EPB41L3: variants seen among roughly 807,000 people sequenced by gnomAD.
The protein encoded by EPB41L3 is band 4.1-like protein 3.
Under a neutral mutation model 127.1 loss-of-function variants are expected in EPB41L3, and 57 were observed. The observed-to-expected ratio is 0.45, with a 90% CI of 0.36 to 0.56. EPB41L3 has a LOEUF of 0.56. Ranked by LOEUF, EPB41L3 falls within the 20% of genes least tolerant of loss-of-function variation. The probability of loss-of-function intolerance (pLI) is 0.00; values close to 1 mark genes in which losing one functional copy is unlikely to be tolerated. For missense variants in EPB41L3, 1,273 were observed against 1,372.2 expected (o/e 0.93, Z 1.14); for synonymous variants, 572 against 549.5 (o/e 1.04, Z -0.57).
intron 3 of EPB41L3, among the ~76,000 whole-genome samples, chr18:5,599,094 T>C (rs1371944717): frequency 6.6e-6 from 1 of 152,238 alleles, no homozygotes; most frequent in East Asian, 1.9e-4. Flanking sequence ...AACAGAGATC[T>C]GAGTTCAAAT....
At chr18:5,617,350 A>G (rs1281473758) in intron 1 of EPB41L3, among the ~76,000 whole-genome samples, 4 of 146,090 alleles carry the variant, frequency 2.7e-5, no homozygotes, top group Admixed American at 7.0e-5. Flanking sequence ...ACGGAGTCTC[A>G]CTCTGTCGCC....
intron 6 of EPB41L3, 81 bp from the exon 7 acceptor site, chr18:5,434,202 C>A: frequency 9.3e-7 from 1 of 1,074,272 alleles, no homozygotes; most frequent in Non-Finnish European, 1.4e-6. Context: ...AAATCGTGGG[C>A]AAATAATTTC....
intron 13 of EPB41L3, among the ~76,000 whole-genome samples, chr18:5,411,106 C>A (rs138646411): frequency 3.2e-4 from 49 of 152,254 alleles, no homozygotes; most frequent in African/African-American, 1.2e-3. Flanking sequence ...CTCATTTATA[C>A]CATTATGATA....
intron 22 of EPB41L3, chr18:5,394,366 A>G (rs757983922): frequency 4.4e-5 from 9 of 203,256 alleles, no homozygotes; most frequent in East Asian, 1.1e-4. Context: ...ATTTGCCATT[A>G]CAAATTTGGA....
At chr18:5,601,212 A>G (rs1489469239) in intron 3 of EPB41L3, among the ~76,000 whole-genome samples, 2 of 152,214 alleles carry the variant, frequency 1.3e-5, no homozygotes, top group Non-Finnish European at 2.9e-5. Context: ...GCAGTTAAAA[A>G]TAGGCTCTAA....
rs1388302882 is a variant in EPB41L3, at chr18:5,418,479, G to A, written c.1506+1232C>T. Among the ~76,000 whole-genome samples, 3 of 152,100 alleles carry A rather than the reference G, an allele frequency of 2.0e-5. No homozygotes were observed. The East Asian group carries it at 5.8e-4, about 29-fold the overall frequency. On this transcript the variant is annotated intron_variant, in intron 12 of 22. Coordinates refer to ENST00000341928, the MANE Select transcript of EPB41L3 (RefSeq NM_012307.5). ...TATAAAATGTTAGAATAACTAAGAAGAAGAACCACATATTTGTTTTTTGGG... is the reference window on the plus strand; with the variant it reads ...TATAAAATGTTAGAATAACTAAGAAAAAGAACCACATATTTGTTTTTTGGG...
intron 1 of EPB41L3, among the ~76,000 whole-genome samples, chr18:5,519,980 GA>G (rs964168206): frequency 1.3e-5 from 2 of 152,180 alleles, no homozygotes; most frequent in African/African-American, 4.8e-5. Context: ...TGATTCTCAG[GA>G]ATGGAACTGT....
chr18:5,601,310 G>A (rs2094588552), intron 3 of EPB41L3, among the ~76,000 whole-genome samples: 1 of 152,104 alleles, frequency 6.6e-6, no homozygotes, highest in African/African-American at 2.4e-5. Context: ...AGTCATTGCT[G>A]TAGGATAAAA....
At chr18:5,616,909 C>T (rs904690105) in intron 1 of EPB41L3, among the ~76,000 whole-genome samples, 2 of 152,066 alleles carry the variant, frequency 1.3e-5, no homozygotes, top group African/African-American at 4.8e-5. Context: ...GTGTTGTTTC[C>T]AATTTCTTGC....
chr18:5,504,921 C>CTG (rs1364431335), intron 1 of EPB41L3, among the ~76,000 whole-genome samples: 2 of 152,090 alleles, frequency 1.3e-5, no homozygotes, highest in Non-Finnish European at 2.9e-5. Flanking sequence ...CTTGAACGTG[C>CTG]TGTGCTGCTT....
intron 11 of EPB41L3, chr18:5,420,132 C>A (rs532664733): frequency 4.8e-6 from 3 of 627,620 alleles, no homozygotes; most frequent in Non-Finnish European, 7.9e-6. Context: ...CTTTAAAATT[C>A]GTGAAATGCT....
In EPB41L3 at chr18:5,497,358, G is replaced by A. The variant is rs181606772; in HGVS notation, c.-11-8164C>T. Among the ~76,000 whole-genome samples, 344 of 152,300 alleles carry A rather than the reference G, an allele frequency of 2.3e-3. 2 individuals are homozygous for A. Among genetic ancestry groups the A allele is most frequent in the African/African-American group, 7.7e-3 (320 of 41,566 alleles). On this transcript the variant is annotated intron_variant, in intron 1 of 22. Coordinates refer to ENST00000341928, the MANE Select transcript of EPB41L3 (RefSeq NM_012307.5). ...GGAGCAGGGGACCCAGTGACTAGGGGATGGCAACAGTCCAGGTGAGGGAAA... is the reference window on the plus strand; with the variant it reads ...GGAGCAGGGGACCCAGTGACTAGGGAATGGCAACAGTCCAGGTGAGGGAAA...
intron 3 of EPB41L3, among the ~76,000 whole-genome samples, chr18:5,559,247 C>G (rs1425399074): frequency 6.6e-6 from 1 of 152,140 alleles, no homozygotes; most frequent in Non-Finnish European, 1.5e-5. Context: ...ATCATTAAGT[C>G]TTGACTTATT....
At chr18:5,459,099 AG>A (rs758809167) in intron 3 of EPB41L3, among the ~76,000 whole-genome samples, 38 of 152,142 alleles carry the variant, frequency 2.5e-4, no homozygotes, top group Non-Finnish European at 4.3e-4. Context: ...CTCACCTCTC[AG>A]GAGAAGATGC....
chr18:5,456,324 GAAT>G (rs1282850429), intron 3 of EPB41L3, among the ~76,000 whole-genome samples: 1 of 152,034 alleles, frequency 6.6e-6, no homozygotes, highest in Non-Finnish European at 1.5e-5. Context: ...GCAAGGCTGA[GAAT>G]AAATAGAAAG....
intron 3 of EPB41L3, among the ~76,000 whole-genome samples, chr18:5,475,010 A>G (rs1375576426): frequency 6.6e-6 from 1 of 152,198 alleles, no homozygotes; most frequent in Non-Finnish European, 1.5e-5. Context: ...CTTTTTATAC[A>G]TAAAAGTTAT....
intron 2 of EPB41L3, among the ~76,000 whole-genome samples, chr18:5,488,171 T>A (rs1342538116): frequency 6.6e-6 from 1 of 152,068 alleles, no homozygotes; most frequent in Non-Finnish European, 1.5e-5. Context: ...GAGTTGAAAA[T>A]GTAGATGTGT....
Position 5,590,559 on chromosome 18 carries a change from A to G in EPB41L3, c.-306+21781T>C, listed in dbSNP as rs553892435. On this transcript the variant is annotated intron_variant, in intron 3 of 21. Transcript: ENST00000545076. Reference sequence around the variant, plus strand: ...GGGCATTTACCCTAGAGAAGTGAACACTATGTTCACACACACACACACACA... The same window carrying G: ...GGGCATTTACCCTAGAGAAGTGAACGCTATGTTCACACACACACACACACA... Among the ~76,000 whole-genome samples the G allele has an allele frequency of 3.8e-3, 525 of 136,546 alleles. 5 individuals are homozygous for G. The highest frequency in any genetic ancestry group is 0.013 in the African/African-American group (498 of 38,836). The allele number at this position is 136,546 out of a possible 152,430, so 89.6% of individuals were successfully genotyped here. A position where few individuals can be genotyped will look rare whatever the true frequency, so the allele number is the denominator to read the frequency against.
chr18:5,627,525 A>C (rs927626374), intron 1 of EPB41L3, among the ~76,000 whole-genome samples: 85 of 152,324 alleles, frequency 5.6e-4, no homozygotes, highest in African/African-American at 2.0e-3. Flanking sequence ...AGAGTTTAAA[A>C]ACACAACTCA....
Sources: gnomAD v4.1 joint callset for allele counts (sites outside exome capture counted in the v4.1 genomes callset) on GRCh38, gnomAD v4.1.1 for gene constraint, MANE v1.5 for transcripts, NCBI Gene and HGNC (gene_info 2026-07-23, HGNC 2026-07-21) for gene names.